Variants in AGBL1 observed in about 807,000 individuals in gnomAD.
The protein encoded by AGBL1 is cytosolic carboxypeptidase 4.
Under a neutral mutation model 118.9 loss-of-function variants are expected in AGBL1, and 130 were observed. The observed-to-expected ratio is 1.09, with a 90% confidence interval of 0.95 to 1.26. The LOEUF is 1.26. Ranked by LOEUF, AGBL1 falls within the 50% of genes most tolerant of loss-of-function variation. The pLI is 0.00. For missense variants in AGBL1, 1,584 were observed against 1,298.1 expected (o/e 1.22, Z -3.38); for synonymous variants, 555 against 478.9 (o/e 1.16, Z -2.08).
chr15:86,907,902 C>T lies in AGBL1; in HGVS notation c.*608C>T, dbSNP rs2141594597. On this transcript the variant is annotated 3_prime_UTR_variant, in exon 23 of 23. Coordinates refer to ENST00000614907, the MANE Select transcript of AGBL1 (RefSeq NM_001386094.1). Reference sequence around the variant, plus strand: ...ATATATTTTACATATGTGGTACAGGCCAGAAGCTGCACTAGACTCTTAGAA... The same window carrying T: ...ATATATTTTACATATGTGGTACAGGTCAGAAGCTGCACTAGACTCTTAGAA... 6.6e-6 allele frequency: 1 copy of T among 152,202 alleles called. No individual in the cohort carries two copies. Among genetic ancestry groups the T allele is most frequent in the Non-Finnish European group, 1.5e-5 (1 of 68,020 alleles). The allele number at this position is 152,202 out of a possible 1,614,324, so 9.4% of individuals were successfully genotyped here.
chr15:86,748,028 G>C (rs1236583208), intron 22 of AGBL1, among the ~76,000 whole-genome samples: 1 of 152,144 alleles, frequency 6.6e-6, no homozygotes, highest in East Asian at 1.9e-4. Flanking sequence ...GGTATTTCTA[G>C]TTCTAGATCC....
Position 86,907,157 on chromosome 15 carries a change from T to C in AGBL1, c.3229T>C (p.Tyr1077His), listed in dbSNP as rs1008401809. 1.3e-5 allele frequency: 2 copies of C among 152,252 alleles called. No individual in the cohort carries two copies. Among genetic ancestry groups the C allele is most frequent in the Admixed American group, 1.3e-4 (2 of 15,272 alleles). The allele number at this position is 152,252 out of a possible 1,614,324, so 9.4% of individuals were successfully genotyped here. A position where few individuals can be genotyped will look rare whatever the true frequency, so the allele number is the denominator to read the frequency against. The change falls in exon 23 of 23, where the codon TAC becomes CAC. Residue 1077 changes from tyrosine to histidine, a missense_variant. Transcript: ENST00000614907. Reference protein sequence around the residue: ...DEPACLEEIDYSTDNSSDQEG... With the variant: ...DEPACLEEIDHSTDNSSDQEG... ...ACCTGCCTGCTTGGAGGAGATTGATTACAGTACCGACAACAGCTCAGACCA... is the reference window on the plus strand; with the variant it reads ...ACCTGCCTGCTTGGAGGAGATTGATCACAGTACCGACAACAGCTCAGACCA...
At chr15:86,132,134 G>A (rs2076828554) in intron 1 of AGBL1, among the ~76,000 whole-genome samples, 1 of 152,110 alleles carries the variant, frequency 6.6e-6, no homozygotes, top group African/African-American at 2.4e-5. Context: ...GACAACAGGA[G>A]TCCCTGAAAC....
chr15:86,603,849 G>A (rs1263875029), intron 21 of AGBL1, among the ~76,000 whole-genome samples: 2 of 152,088 alleles, frequency 1.3e-5, no homozygotes, highest in African/African-American at 2.4e-5. Context: ...TGTTGTTGTT[G>A]TTGTTTTTGT....
At chr15:86,541,236 G>A (rs1250606327) in intron 19 of AGBL1, among the ~76,000 whole-genome samples, 1 of 152,088 alleles carries the variant, frequency 6.6e-6, no homozygotes, top group East Asian at 1.9e-4. Flanking sequence ...TAAGGTCCTG[G>A]GGCTGGGGCA....
intron 5 of AGBL1, among the ~76,000 whole-genome samples, chr15:86,213,467 ACCTC>A (rs2078134789): frequency 6.6e-6 from 1 of 151,950 alleles, no homozygotes; most frequent in Non-Finnish European, 1.5e-5. Context: ...CCCACCCTAG[ACCTC>A]CTGTGTCAGG....
At chr15:86,231,290 G>C (rs921237550) in intron 6 of AGBL1, among the ~76,000 whole-genome samples, 8 of 152,148 alleles carry the variant, frequency 5.3e-5, no homozygotes, top group African/African-American at 1.9e-4. Flanking sequence ...AAGAATTCCA[G>C]GTTCCTGACT....
At chr15:86,796,805 C>T (rs986948430) in intron 22 of AGBL1, among the ~76,000 whole-genome samples, 3 of 152,186 alleles carry the variant, frequency 2.0e-5, no homozygotes, top group Non-Finnish European at 2.9e-5. Flanking sequence ...GTCCACAAAG[C>T]GATACTGTCT....
rs1388485940 is a variant in AGBL1, at chr15:86,912,085, A to G, written c.*4791A>G. The G allele has an allele frequency of 2.0e-5, 3 of 152,062 alleles. No individual in the cohort carries two copies. The highest frequency in any genetic ancestry group is 7.3e-5 in the African/African-American group (3 of 41,374). 9.4% of individuals were successfully genotyped at this position (152,062 alleles called of 1,614,324 possible). On this transcript the variant is annotated 3_prime_UTR_variant, in exon 23 of 23. Transcript: ENST00000614907. ...CCAATGTTTCAATGAAATCTCACTT[A>G]TTTTCCTTAAATCCCTCCGTTTTCC...
chr15:86,440,006 A>G (rs981174364), intron 18 of AGBL1, among the ~76,000 whole-genome samples: 1 of 152,212 alleles, frequency 6.6e-6, no homozygotes, highest in Non-Finnish European at 1.5e-5. Context: ...TTCCCTGGAT[A>G]GAAATTAATT....
chr15:86,262,078 C>CTTGTTTTTTTTTTTTTTTTTT (rs2078997178), intron 9 of AGBL1, among the ~76,000 whole-genome samples: 1 of 52,768 alleles, frequency 1.9e-5, no homozygotes, highest in East Asian at 1.0e-3. Flanking sequence ...GCATAGCTGG[C>CTTGTTTTTTTTTTTTTTTTTT]TTTTTTTTTT....
chr15:86,311,267 T>C (rs10153009), intron 17 of AGBL1, among the ~76,000 whole-genome samples: 45,974 of 152,092 alleles, frequency 0.3, 7,587 homozygotes, highest in African/African-American at 0.41. Flanking sequence ...TTGTTCAGAA[T>C]AGTTAGTCTA....
intron 1 of AGBL1, among the ~76,000 whole-genome samples, chr15:86,080,934 G>GT (rs1567041752): frequency 2.7e-5 from 4 of 148,180 alleles, no homozygotes; most frequent in Non-Finnish European, 6.1e-5. Context: ...TGGGCTTGTG[G>GT]GGGCGGGGGG....
intron 1 of AGBL1, among the ~76,000 whole-genome samples, chr15:86,097,233 G>T (rs1159630176): frequency 1.3e-5 from 2 of 152,064 alleles, no homozygotes; most frequent in African/African-American, 4.8e-5. Flanking sequence ...GTGATATTTT[G>T]TTACATATAT....
At chr15:86,283,316 C>A (rs189748124) in intron 16 of AGBL1, among the ~76,000 whole-genome samples, 147 of 152,138 alleles carry the variant, frequency 9.7e-4, no homozygotes, top group African/African-American at 3.5e-3. Context: ...TCACTGAGAA[C>A]TTATAACTGT....
intron 21 of AGBL1, among the ~76,000 whole-genome samples, chr15:86,573,408 A>G (rs1354713983): frequency 6.6e-6 from 1 of 152,242 alleles, no homozygotes; most frequent in African/African-American, 2.4e-5. Context: ...AGTGGGTGCC[A>G]TAAGAGAACA....
intron 22 of AGBL1, among the ~76,000 whole-genome samples, chr15:86,863,973 A>G (rs1210735182): frequency 6.6e-6 from 1 of 152,216 alleles, no homozygotes; most frequent in Non-Finnish European, 1.5e-5. Context: ...GGTTTCAACA[A>G]AAGGTAATTG....
downstream of AGBL1, among the ~76,000 whole-genome samples, chr15:86,917,126 T>A (rs2080434198): frequency 6.6e-6 from 1 of 152,140 alleles, no homozygotes; most frequent in Non-Finnish European, 1.5e-5. The surrounding 1 kb of genome is among the most constrained non-coding windows in gnomAD (Gnocchi z 4.8). Flanking sequence ...AAAGTGCTGT[T>A]GGAAGGGGGA....
intron 5 of AGBL1, chr15:86,173,160 A>T (rs1488168016): frequency 2.0e-5 from 3 of 152,066 alleles, no homozygotes; most frequent in Non-Finnish European, 4.4e-5. Context: ...CTTTTGAGAA[A>T]TGTCTATTTA....
Sources: allele counts gnomAD v4.1 joint callset (sites outside exome capture counted in the v4.1 genomes callset), GRCh38; gene constraint gnomAD v4.1.1; non-coding constraint Gnocchi (gnomAD v3.1); transcripts MANE v1.5; gene names NCBI Gene and HGNC (gene_info 2026-07-23, HGNC 2026-07-21).